The following TFB1M variants were observed in gnomAD, a reference collection of about 807,000 sequenced individuals.
TFB1M encodes the protein dimethyladenosine transferase 1, mitochondrial.
A neutral mutation model predicts 31.1 loss-of-function variants in TFB1M; 27 were observed. The ratio of observed to expected loss-of-function variants is 0.87; its 90% CI spans 0.64 to 1.20. The LOEUF is 1.20. Among genes scored for constraint, TFB1M ranks in the 50% most tolerant of loss-of-function variants. TFB1M has a pLI of 0.00. For synonymous variants in TFB1M, 166 were observed against 151.8 expected, an observed-to-expected ratio of 1.09 and a Z score of -0.69; for missense variants, 394 against 418.7, an observed-to-expected ratio of 0.94 and a Z score of 0.51.
the TFB1M span, chr6:155,240,452 C>T: frequency 2.7e-6 from 4 of 1,467,022 alleles, no homozygotes; most frequent in Non-Finnish European, 3.7e-6. Context: ...CAGACGGAGA[C>T]ACTTGGTGCC....
At chr6:155,301,097 A>G (rs953237091) in intron 2 of TFB1M, among the ~76,000 whole-genome samples, 1 of 152,092 alleles carries the variant, frequency 6.6e-6, no homozygotes, top group Non-Finnish European at 1.5e-5. Flanking sequence ...GAGCCACCAT[A>G]CCCAGCTCCT....
At chr6:155,268,112 T>C (rs1195634417) in intron 5 of TFB1M, among the ~76,000 whole-genome samples, 1 of 152,246 alleles carries the variant, frequency 6.6e-6, no homozygotes, top group Admixed American at 6.5e-5. Context: ...CCCTTTATCT[T>C]GAATCCATTT....
the TFB1M span, among the ~76,000 whole-genome samples, chr6:155,240,343 C>T: frequency 2.0e-5 from 3 of 152,366 alleles, no homozygotes; most frequent in South Asian, 2.1e-4. Context: ...TGTGGGCGCA[C>T]ATCTTCCTTA....
At chr6:155,280,016 G>A (rs1785420116) in intron 5 of TFB1M, among the ~76,000 whole-genome samples, 1 of 152,048 alleles carries the variant, frequency 6.6e-6, no homozygotes. Flanking sequence ...TTATAAAATT[G>A]CAGGTATAAT....
chr6:155,234,825 G>A, the TFB1M span, among the ~76,000 whole-genome samples: 1 of 152,364 alleles, frequency 6.6e-6, no homozygotes, highest in African/African-American at 2.4e-5. Context: ...CCAGAGGCAG[G>A]TGGCTGCATC....
chr6:155,250,709 T>C, the TFB1M span: 12 of 1,281,856 alleles, frequency 9.4e-6, no homozygotes, highest in East Asian at 3.0e-4. Flanking sequence ...TGCCTTCACC[T>C]TTATGTTATT....
At chr6:155,311,781 A>G (rs1778026107) in intron 1 of TFB1M, among the ~76,000 whole-genome samples, 1 of 152,210 alleles carries the variant, frequency 6.6e-6, no homozygotes, top group African/African-American at 2.4e-5. Flanking sequence ...AGTGAAATCC[A>G]AAAGCAAAAA....
At chr6:155,285,068 T>A in intron 5 of TFB1M, 90 bp downstream of exon 5, 1 of 1,542,072 alleles carries the variant, frequency 6.5e-7, no homozygotes. Context: ...TAAACAAAGG[T>A]TAGATCCTAG....
rs759047646 is a variant in TFB1M at position 155,256,986 on chromosome 6, G to C, written c.*850C>G. On this transcript the variant is annotated 3_prime_UTR_variant, in exon 7 of 7. Transcript: ENST00000367166. ...TGCTCAAGGCGCAGATCCGTCACCA[G>C]TCCCTTGACAGTCAGTCTGAAAATG... 1.2e-6 allele frequency: 2 copies of C among 1,614,074 alleles called. No homozygotes were observed. The highest frequency in any genetic ancestry group is 1.7e-6 in the Non-Finnish European group (2 of 1,180,040).
chr6:155,261,636 G>C (rs1247356791), intron 5 of TFB1M, among the ~76,000 whole-genome samples: 3 of 152,202 alleles, frequency 2.0e-5, no homozygotes, highest in Non-Finnish European at 4.4e-5. Context: ...TGGTGCCTGA[G>C]CTGTGTCATC....
At chr6:155,235,224 A>C in the TFB1M span, among the ~76,000 whole-genome samples, 2 of 152,242 alleles carry the variant, frequency 1.3e-5, no homozygotes, top group Non-Finnish European at 2.9e-5. Flanking sequence ...CTGCTCGGCA[A>C]ACACGAGTTT....
chr6:155,237,394 A>G, the TFB1M span, among the ~76,000 whole-genome samples: 1 of 152,200 alleles, frequency 6.6e-6, no homozygotes, highest in African/African-American at 2.4e-5. Flanking sequence ...CAGCTTTGCC[A>G]GGCACAGGGT....
chr6:155,278,634 C>A (rs1785332090), intron 5 of TFB1M, among the ~76,000 whole-genome samples: 2 of 152,214 alleles, frequency 1.3e-5, no homozygotes, highest in African/African-American at 4.8e-5. Flanking sequence ...CTGAGGGCGA[C>A]AGAGGTGACA....
the TFB1M span, chr6:155,245,855 G>C: frequency 8.7e-5 from 49 of 566,236 alleles, no homozygotes; most frequent in African/African-American, 9.8e-4. Context: ...GTCCATCCTT[G>C]ACCTTGACAG....
At chr6:155,239,289 G>A in the TFB1M span, among the ~76,000 whole-genome samples, 1 of 152,150 alleles carries the variant, frequency 6.6e-6, no homozygotes, top group South Asian at 2.1e-4. Flanking sequence ...CATTTGTGTT[G>A]GGACTCAGCT....
intron 2 of TFB1M, among the ~76,000 whole-genome samples, chr6:155,299,115 C>G (rs756146795): frequency 6.6e-6 from 1 of 152,116 alleles, no homozygotes; most frequent in Non-Finnish European, 1.5e-5. Context: ...ACTTGGCACT[C>G]CGAGATACTC....
intron 5 of TFB1M, among the ~76,000 whole-genome samples, chr6:155,277,167 A>G (rs554715210): frequency 3.8e-4 from 58 of 152,318 alleles, no homozygotes; most frequent in African/African-American, 1.4e-3. Context: ...CCACAGATTA[A>G]GTTCATTTAT....
In TFB1M at chr6:155,276,498, TAAC is replaced by T. The variant is rs1344742749; in HGVS notation, c.666+8657_666+8659del. 7.7e-6 allele frequency: 7 copies of T among 912,594 alleles called. No homozygotes were observed. The Admixed American group carries it at 8.6e-5, about 11-fold the overall frequency. The allele number at this position is 912,594 out of a possible 1,614,324, so 56.5% of individuals were successfully genotyped here. On this transcript the variant is annotated intron_variant, in intron 5 of 6. Coordinates refer to ENST00000367166, the MANE Select transcript of TFB1M (RefSeq NM_016020.4). ...AAAGAAAGTAGAATGTAAAATACTTTAACAACTACAAAGTAGTTTAAAATGCCA... is the reference window on the plus strand; with the variant it reads ...AAAGAAAGTAGAATGTAAAATACTTTAACTACAAAGTAGTTTAAAATGCCA...
At chr6:155,245,729 G>A in the TFB1M span, 13 of 1,534,512 alleles carry the variant, frequency 8.5e-6, no homozygotes, top group East Asian at 2.3e-5. Context: ...GTTCTGGAGC[G>A]AGGTAAGTTG....
Sources: gnomAD v4.1 joint callset for allele counts (sites outside exome capture counted in the v4.1 genomes callset) on GRCh38, gnomAD v4.1.1 for gene constraint, MANE v1.5 for transcripts, NCBI Gene and HGNC (gene_info 2026-07-23, HGNC 2026-07-21) for gene names.